Variants in FER1L6 observed in about 807,000 individuals in gnomAD.
FER1L6 encodes fer-1-like protein 6.
A neutral mutation model predicts 219.2 loss-of-function variants in FER1L6; 177 were observed. The observed-to-expected ratio is 0.81, with a 90% confidence interval of 0.71 to 0.91. The LOEUF is 0.91. FER1L6 is among the 40% of genes least tolerant of loss of function. The pLI is 0.00. For synonymous variants in FER1L6, 768 were observed against 824.3 expected, an observed-to-expected ratio of 0.93 and a Z score of 1.17; for missense variants, 2,153 against 2,259.9, an observed-to-expected ratio of 0.95 and a Z score of 0.96.
chr8:123,931,085 G>A (rs1005621770), intron 1 of FER1L6, among the ~76,000 whole-genome samples: 1 of 152,206 alleles, frequency 6.6e-6, no homozygotes, highest in African/African-American at 2.4e-5. Flanking sequence ...AAAGCCATAA[G>A]GGTAAGAACA....
At chr8:124,077,102 C>T (rs934746844) in intron 32 of FER1L6, among the ~76,000 whole-genome samples, 5 of 152,222 alleles carry the variant, frequency 3.3e-5, no homozygotes, top group African/African-American at 4.8e-5. Flanking sequence ...CTGGGTTTCA[C>T]TCTGCTACAT....
intron 40 of FER1L6, 100 bp from the exon 41 acceptor site, chr8:124,119,507 G>C: frequency 1.3e-6 from 1 of 776,374 alleles, no homozygotes; most frequent in Non-Finnish European, 2.2e-6. Context: ...CTCCCTATGG[G>C]TCCTCAGAAA....
chr8:123,975,488 G>A (rs1427724478), intron 8 of FER1L6, among the ~76,000 whole-genome samples, 182 bp downstream of exon 8: 2 of 152,112 alleles, frequency 1.3e-5, no homozygotes, highest in African/African-American at 2.4e-5. Context: ...TCTCCTTCAC[G>A]AGGTCAGGTT....
intron 11 of FER1L6, among the ~76,000 whole-genome samples, chr8:123,983,940 T>C (rs532114552): frequency 2.6e-5 from 4 of 152,162 alleles, no homozygotes; most frequent in Non-Finnish European, 4.4e-5. Flanking sequence ...AATTTCAGGA[T>C]ATAGTGTGGG....
At chr8:123,878,749 C>T (rs1436688984) in intron 1 of FER1L6, among the ~76,000 whole-genome samples, 1 of 152,190 alleles carries the variant, frequency 6.6e-6, no homozygotes, top group African/African-American at 2.4e-5. Flanking sequence ...ACTATTTTTC[C>T]TATTCCTTTG....
intron 15 of FER1L6, among the ~76,000 whole-genome samples, chr8:124,017,127 C>A (rs1295387226): frequency 1.3e-5 from 2 of 152,244 alleles, no homozygotes; most frequent in Middle Eastern, 3.4e-3. Context: ...TTACATTTTT[C>A]TTCTTGAATG....
chr8:123,900,894 T>G (rs1256480670), intron 1 of FER1L6, among the ~76,000 whole-genome samples: 2 of 152,182 alleles, frequency 1.3e-5, no homozygotes, highest in Non-Finnish European at 2.9e-5. Flanking sequence ...TGTTGTTGGA[T>G]TCGGTTAGCT....
chr8:123,979,555 C>T (rs1026615827), intron 10 of FER1L6, among the ~76,000 whole-genome samples: 4 of 152,174 alleles, frequency 2.6e-5, no homozygotes. Context: ...TAGCGATGTT[C>T]CCATAGACAC....
chr8:124,006,896 G>A (rs528270025), intron 13 of FER1L6, among the ~76,000 whole-genome samples: 1 of 152,286 alleles, frequency 6.6e-6, no homozygotes, highest in East Asian at 1.9e-4. Context: ...CAAAGGCCTT[G>A]AACATCATTA....
intron 18 of FER1L6, among the ~76,000 whole-genome samples, chr8:124,033,369 A>G (rs1054553585): frequency 2.0e-5 from 3 of 152,210 alleles, no homozygotes; most frequent in Admixed American, 1.3e-4. Flanking sequence ...TTACAAATGT[A>G]TTCCCCAATA....
intron 22 of FER1L6, among the ~76,000 whole-genome samples, chr8:124,053,162 A>G (rs749529656): frequency 3.9e-5 from 6 of 152,160 alleles, no homozygotes; most frequent in Non-Finnish European, 7.4e-5. Flanking sequence ...TGCATCTGCC[A>G]ATGAAGGCTG....
At chr8:124,112,909 T>C (rs776305949) in intron 39 of FER1L6, among the ~76,000 whole-genome samples, 1 of 152,136 alleles carries the variant, frequency 6.6e-6, no homozygotes, top group African/African-American at 2.4e-5. Flanking sequence ...TATAGGAAAT[T>C]TGAAAAGCAC....
intron 18 of FER1L6, among the ~76,000 whole-genome samples, chr8:124,024,985 G>GTT (rs1818641841): frequency 1.3e-5 from 2 of 151,752 alleles, no homozygotes; most frequent in Non-Finnish European, 2.9e-5. Flanking sequence ...TTTCATGTTT[G>GTT]TTGGCCATTT....
chr8:124,010,770 G>A lies in FER1L6; in HGVS notation c.1821+56G>A. ...GAATTGGGAAGCTGGTGGGGGAAGGGATTTTTAAAATCCACCTAGTAGAGG... is the reference window on the plus strand; with the variant it reads ...GAATTGGGAAGCTGGTGGGGGAAGGAATTTTTAAAATCCACCTAGTAGAGG... On this transcript the variant is annotated intron_variant, in intron 14 of 40. Coordinates refer to ENST00000522917, the MANE Select transcript of FER1L6 (RefSeq NM_001039112.2). 8 of 1,597,948 alleles carry A rather than the reference G, an allele frequency of 5.0e-6. No individual in the cohort carries two copies. In the South Asian group the frequency reaches 7.9e-5, roughly 16 times the overall value.
chr8:124,094,720 C>T (rs1453765596), intron 34 of FER1L6, among the ~76,000 whole-genome samples, 176 bp from the exon 35 acceptor site: 1 of 152,166 alleles, frequency 6.6e-6, no homozygotes, highest in Non-Finnish European at 1.5e-5. Context: ...CTCCTGACCT[C>T]AAGTGATCTA....
chr8:124,062,308 T>C (rs1820621786), intron 25 of FER1L6, among the ~76,000 whole-genome samples: 1 of 152,186 alleles, frequency 6.6e-6, no homozygotes, highest in African/African-American at 2.4e-5. Context: ...CTGTGCTTGA[T>C]GTTGTTTTAG....
intron 1 of FER1L6, chr8:123,925,718 T>C (rs1813538793): frequency 6.6e-6 from 1 of 152,234 alleles, no homozygotes; most frequent in South Asian, 2.1e-4. Context: ...AGAGTGTGCC[T>C]ACCCTTCCTT....
At chr8:123,969,937 A>T in intron 5 of FER1L6, 98 bp from the exon 6 acceptor site, 1 of 840,938 alleles carries the variant, frequency 1.2e-6, no homozygotes, top group Non-Finnish European at 2.1e-6. Flanking sequence ...TTCATGCAGC[A>T]GTTGGTTTGA....
intron 32 of FER1L6, among the ~76,000 whole-genome samples, chr8:124,076,821 G>A (rs1563785308): frequency 2.0e-5 from 3 of 152,114 alleles, no homozygotes; most frequent in Admixed American, 6.5e-5. Flanking sequence ...TTAGTCTTTT[G>A]TCTCCTACTA....
Sources: gnomAD v4.1 joint callset for allele counts (sites outside exome capture counted in the v4.1 genomes callset) on GRCh38, gnomAD v4.1.1 for gene constraint, MANE v1.5 for transcripts, NCBI Gene and HGNC (gene_info 2026-07-23, HGNC 2026-07-21) for gene names.